The following PDE4D variants were observed in gnomAD, a reference collection of about 807,000 sequenced individuals.
PDE4D encodes 3',5'-cyclic-AMP phosphodiesterase 4D.
In PDE4D, 24 loss-of-function variants were observed where a neutral mutation model predicts 87.4. That is an observed-to-expected ratio of 0.27 (90% CI 0.20 to 0.39). The LOEUF (loss-of-function observed/expected upper bound fraction) is 0.39. Among genes scored for constraint, PDE4D ranks in the 10% least tolerant of loss-of-function variants. The probability of loss-of-function intolerance (pLI) is 1.00; values close to 1 mark genes in which losing one functional copy is unlikely to be tolerated. For missense variants in PDE4D, 714 were observed against 1,041.0 expected (o/e 0.69, Z 4.32); for synonymous variants, 384 against 383.2 (o/e 1.00, Z -0.02).
intron 1 of PDE4D, among the ~76,000 whole-genome samples, chr5:59,354,513 TGTATATATATAGA>T (rs1271745513): frequency 6.6e-6 from 1 of 152,186 alleles, no homozygotes; most frequent in East Asian, 1.9e-4. Flanking sequence ...TATATGTGTC[TGTATATATATAGA>T]GTGACTCATG....
chr5:59,806,206 T>C (rs1767714405), intron 1 of PDE4D, among the ~76,000 whole-genome samples: 1 of 152,192 alleles, frequency 6.6e-6, no homozygotes, highest in African/African-American at 2.4e-5. Context: ...AGCGTTCCTC[T>C]CCAAAGCCAT....
intron 1 of PDE4D, among the ~76,000 whole-genome samples, chr5:60,444,198 A>T (rs1745460565): frequency 1.3e-5 from 2 of 152,052 alleles, no homozygotes; most frequent in African/African-American, 4.8e-5. Flanking sequence ...TTATGGCTTC[A>T]CCCATTCTGT....
At chr5:60,297,703 T>C (rs1314400444) in intron 1 of PDE4D, among the ~76,000 whole-genome samples, 2 of 152,246 alleles carry the variant, frequency 1.3e-5, no homozygotes, top group Non-Finnish European at 2.9e-5. Flanking sequence ...CAAAGGTTAG[T>C]AGGTTGACCT....
At position 59,832,252 on chromosome 5, in the gene PDE4D, T is replaced by C. The variant is rs535683029; in HGVS notation, c.455+60916A>G. 2.6e-5 allele frequency among the ~76,000 whole-genome samples: 4 copies of C among 152,186 alleles called. No homozygotes were observed. In the South Asian group the frequency reaches 8.3e-4, roughly 32 times the overall value. The stretch of plus-strand genomic sequence containing the variant: ...ACTCAAAGTAGTGTGGTTTAGTGAC[T>C]TGGTGAGGATTACTTTCGTTTGATT... On this transcript the variant is annotated intron_variant, in intron 1 of 14. Transcript: ENST00000340635.
chr5:59,400,985 A>G (rs1416350634), intron 1 of PDE4D, among the ~76,000 whole-genome samples: 1 of 152,236 alleles, frequency 6.6e-6, no homozygotes, highest in African/African-American at 2.4e-5. Flanking sequence ...TCTGAAATCC[A>G]AAATGCTCCA....
chr5:60,250,822 G>T (rs1054655673), intron 1 of PDE4D, among the ~76,000 whole-genome samples: 2 of 151,864 alleles, frequency 1.3e-5, no homozygotes, highest in African/African-American at 4.8e-5. Context: ...CTGTAAAACA[G>T]CCTCAGGTAG....
At chr5:59,171,484 A>G (rs979774262) in intron 5 of PDE4D, among the ~76,000 whole-genome samples, 1 of 152,196 alleles carries the variant, frequency 6.6e-6, no homozygotes, top group African/African-American at 2.4e-5. Context: ...TCCACTGTCC[A>G]TAAAATAAAG....
chr5:59,539,995 GTGTCCTGGAGGTCTTTGTAAAATGCAGGT>G (rs1816023990), intron 1 of PDE4D, among the ~76,000 whole-genome samples: 2 of 152,168 alleles, frequency 1.3e-5, no homozygotes, highest in South Asian at 4.1e-4. Context: ...ATACATCAGA[GTGTCCTGGAGGTCTTTGTAAAATGCAGGT>G]TGCTGGACTG....
At chr5:59,118,139 T>C (rs1462769411) in intron 5 of PDE4D, among the ~76,000 whole-genome samples, 3 of 152,158 alleles carry the variant, frequency 2.0e-5, no homozygotes, top group Admixed American at 2.0e-4. Flanking sequence ...TAGCCTCAGT[T>C]TCCAGGGCTT....
intron 1 of PDE4D, among the ~76,000 whole-genome samples, chr5:59,431,259 A>C (rs1002951978): frequency 1.3e-5 from 2 of 152,150 alleles, no homozygotes; most frequent in African/African-American, 4.8e-5. Flanking sequence ...AAAGGATATT[A>C]AATAATTCTA....
chr5:59,597,985 C>A (rs1826947882), intron 1 of PDE4D, among the ~76,000 whole-genome samples: 1 of 152,068 alleles, frequency 6.6e-6, no homozygotes, highest in Admixed American at 6.6e-5. Context: ...AAAAAAATCG[C>A]AATAGACTAT....
At chr5:60,123,438 A>G (rs904878955) in intron 2 of PDE4D, among the ~76,000 whole-genome samples, 4 of 152,204 alleles carry the variant, frequency 2.6e-5, no homozygotes, top group Admixed American at 6.5e-5. Flanking sequence ...GTCAGTGGCA[A>G]GAGAAAATGA....
intron 1 of PDE4D, among the ~76,000 whole-genome samples, chr5:59,270,663 G>A (rs143241384): frequency 8.5e-5 from 13 of 152,208 alleles, no homozygotes; most frequent in African/African-American, 3.1e-4. Flanking sequence ...AACCAACAAC[G>A]TCAACCCTGA....
chr5:60,300,627 G>C (rs1029589311), intron 1 of PDE4D, among the ~76,000 whole-genome samples: 1 of 152,028 alleles, frequency 6.6e-6, no homozygotes, highest in East Asian at 1.9e-4. Flanking sequence ...TGGCTAGCCC[G>C]TTCTCCCACC....
At chr5:60,039,820 T>A (rs1451874095) in intron 2 of PDE4D, among the ~76,000 whole-genome samples, 1 of 152,168 alleles carries the variant, frequency 6.6e-6, no homozygotes, top group Non-Finnish European at 1.5e-5. Context: ...ATCAGGAAAT[T>A]CTGCTATTGT....
chr5:59,143,148 T>C (rs1227441406), intron 5 of PDE4D, among the ~76,000 whole-genome samples: 2 of 150,364 alleles, frequency 1.3e-5, no homozygotes, highest in Non-Finnish European at 3.0e-5. Flanking sequence ...CTCCATCCCT[T>C]CCTCCTTCCC....
intron 1 of PDE4D, among the ~76,000 whole-genome samples, chr5:59,366,177 G>T (rs1212826745): frequency 6.6e-6 from 1 of 151,908 alleles, no homozygotes; most frequent in Non-Finnish European, 1.5e-5. Context: ...ATCATATTAG[G>T]TGAGCAATTA....
rs941577594 is a variant in PDE4D at position 59,258,456 on chromosome 5, T to C, written c.456-42488A>G. On this transcript the variant is annotated intron_variant, in intron 1 of 14. Transcript: ENST00000340635. Reference sequence around the variant, plus strand: ...TCCAGAGCCTAGCACAGAAAGGAGATAAAATATGTATTTTTTCTGTATAGA... The same window carrying C: ...TCCAGAGCCTAGCACAGAAAGGAGACAAAATATGTATTTTTTCTGTATAGA... Among the ~76,000 whole-genome samples the C allele has an allele frequency of 3.3e-5, 5 of 151,928 alleles. No individual in the cohort carries two copies. In the Admixed American group the frequency reaches 3.3e-4, roughly 10 times the overall value.
chr5:59,688,513 G>A (rs933307787), intron 1 of PDE4D, among the ~76,000 whole-genome samples: 4 of 152,112 alleles, frequency 2.6e-5, no homozygotes, highest in African/African-American at 9.7e-5. Flanking sequence ...GATGTTCTTT[G>A]AAACCAATGA....
Sources: allele counts gnomAD v4.1 joint callset (sites outside exome capture counted in the v4.1 genomes callset), GRCh38; gene constraint gnomAD v4.1.1; transcripts MANE v1.5; gene names NCBI Gene and HGNC (gene_info 2026-07-23, HGNC 2026-07-21).